Variants in PLCB1 observed in about 807,000 individuals in gnomAD.
The protein encoded by PLCB1 is phospholipase C beta 1.
Under a neutral mutation model 161.8 loss-of-function variants are expected in PLCB1, and 46 were observed. The observed-to-expected ratio is 0.28, with a 90% CI of 0.22 to 0.36. The LOEUF (loss-of-function observed/expected upper bound fraction) is 0.36, where lower values mean the gene tolerates loss of function less well. Ranked by LOEUF, PLCB1 falls within the 10% of genes least tolerant of loss-of-function variation. The probability of loss-of-function intolerance (pLI) is 1.00; values close to 1 mark genes in which losing one functional copy is unlikely to be tolerated. For synonymous variants in PLCB1, 517 were observed against 503.7 expected (o/e 1.03, Z -0.35); for missense variants, 1,016 against 1,472.5 (o/e 0.69, Z 5.07).
At chr20:8,634,835 C>T (rs1485687098) in intron 4 of PLCB1, among the ~76,000 whole-genome samples, 1 of 152,166 alleles carries the variant, frequency 6.6e-6, no homozygotes, top group African/African-American at 2.4e-5. Context: ...ACTGATGATC[C>T]ACCACTTTGA....
Position 8,881,830 on chromosome 20 carries a change from A to C in PLCB1, c.3632A>C (p.Glu1211Ala). 6.2e-7 allele frequency: 1 copy of C among 1,612,602 alleles called. No homozygotes were observed. The highest frequency in any genetic ancestry group is 8.5e-7 in the Non-Finnish European group (1 of 1,178,616). ...EELGGDIPGK[E>A]FDTPL ...CTGGGAGGAGACATCCCAGGAAAAG[A>C]ATTTGATACTCCTCTGTGAATGCTC... Residue 1211 changes from glutamate (E) to alanine (A), a missense_variant, in exon 32 of 32, where the codon GAA becomes GCA. Physicochemically the swap from Glu to Ala is moderately radical, Grantham distance 107. Transcript: ENST00000338037.
chr20:8,466,464 A>C (rs1042972834), intron 3 of PLCB1, among the ~76,000 whole-genome samples: 1 of 152,036 alleles, frequency 6.6e-6, no homozygotes, highest in African/African-American at 2.4e-5. Flanking sequence ...CCTAAAACTT[A>C]AAGTGTAATA....
At chr20:8,661,399 C>T (rs1363046892) in intron 9 of PLCB1, among the ~76,000 whole-genome samples, 1 of 152,006 alleles carries the variant, frequency 6.6e-6, no homozygotes, top group African/African-American at 2.4e-5. Flanking sequence ...CTTTGGAGTC[C>T]AACGGCTAGA....
intron 31 of PLCB1, among the ~76,000 whole-genome samples, chr20:8,795,844 A>C (rs1967679): frequency 0.7 from 104,200 of 148,312 alleles, 36,834 homozygotes; most frequent in Admixed American, 0.75. Context: ...CACTGCATTC[A>C]AGCCTGGGCG....
chr20:8,740,495 G>A (rs201735474), intron 22 of PLCB1, 47 bp downstream of exon 22: 7 of 1,056,282 alleles, frequency 6.6e-6, no homozygotes, highest in Non-Finnish European at 8.2e-6. Flanking sequence ...GGGTATTTCT[G>A]TCTGAGTCAC....
rs2052005729 is a variant in PLCB1, at chr20:8,194,873, C to T, written c.177+44502C>T. ...AATTCCATTAGTGGTAGCACAAGTC[C>T]ATCTGTCTTACATTAGACATTTGTC... is the stretch of plus-strand genomic sequence containing the variant. On this transcript the variant is annotated intron_variant, in intron 2 of 31. Coordinates refer to ENST00000338037, the MANE Select transcript of PLCB1 (RefSeq NM_015192.4). Among the ~76,000 whole-genome samples the T allele has an allele frequency of 2.6e-5, 4 of 152,094 alleles. No individual in the cohort carries two copies. The South Asian group carries it at 8.3e-4, about 32-fold the overall frequency.
chr20:8,187,444 C>T (rs1422072430), intron 2 of PLCB1, among the ~76,000 whole-genome samples: 2 of 152,170 alleles, frequency 1.3e-5, no homozygotes, highest in Non-Finnish European at 2.9e-5. Flanking sequence ...CTGGTGCCTC[C>T]TCCCATTTCT....
chr20:8,725,722 T>G (rs1239461608), intron 16 of PLCB1, among the ~76,000 whole-genome samples: 1 of 152,128 alleles, frequency 6.6e-6, no homozygotes, highest in Non-Finnish European at 1.5e-5. Context: ...TTTATATCAC[T>G]GTAATTTCAT....
chr20:8,173,006 G>A (rs1164810500), intron 2 of PLCB1, among the ~76,000 whole-genome samples: 1 of 152,162 alleles, frequency 6.6e-6, no homozygotes, highest in Non-Finnish European at 1.5e-5. Flanking sequence ...ATTGGCAAAG[G>A]GATCAGTCGG....
chr20:8,813,664 TA>T (rs1984941793), intron 31 of PLCB1, among the ~76,000 whole-genome samples: 1 of 151,984 alleles, frequency 6.6e-6, no homozygotes, highest in Admixed American at 6.6e-5. Context: ...ACCCTATCTC[TA>T]AAAAAATTTT....
In PLCB1 at chr20:8,210,191, G is replaced by A. The variant is rs903356392; in HGVS notation, c.177+59820G>A. 5.9e-5 allele frequency among the ~76,000 whole-genome samples: 9 copies of A among 152,154 alleles called. No homozygotes were observed. In the East Asian group the frequency reaches 1.7e-3, roughly 29 times the overall value. On this transcript the variant is annotated intron_variant, in intron 2 of 31. Transcript: ENST00000338037. Reference sequence around the variant, plus strand: ...CAAAAAATTATTTCATGTGTCTGGGGTGAAAATTATTATTACTAAAATGAA... The same window carrying A: ...CAAAAAATTATTTCATGTGTCTGGGATGAAAATTATTATTACTAAAATGAA...
chr20:8,315,652 T>A (rs1984610514), intron 2 of PLCB1, among the ~76,000 whole-genome samples: 1 of 152,174 alleles, frequency 6.6e-6, no homozygotes. Flanking sequence ...CAGCTCTTAG[T>A]CTGTAATTTT....
intron 3 of PLCB1, among the ~76,000 whole-genome samples, chr20:8,549,962 T>G (rs762369558): frequency 3.3e-5 from 5 of 152,182 alleles, no homozygotes; most frequent in Non-Finnish European, 5.9e-5. Context: ...CTGCCATGAT[T>G]GTAAGTTTCC....
intron 2 of PLCB1, among the ~76,000 whole-genome samples, chr20:8,280,316 CA>C (rs1982809988): frequency 7.7e-6 from 1 of 129,782 alleles, no homozygotes; most frequent in Admixed American, 8.0e-5. Context: ...ACCTGGGCAA[CA>C]AGAGCGAAAC....
At chr20:8,654,265 C>T (rs892719766) in intron 7 of PLCB1, among the ~76,000 whole-genome samples, 4 of 151,998 alleles carry the variant, frequency 2.6e-5, no homozygotes, top group Admixed American at 6.6e-5. Flanking sequence ...AAATGGGCCT[C>T]ATTCAGATTA....
Position 8,304,804 on chromosome 20 carries a change from A to AT in PLCB1, c.178-66574dup, listed in dbSNP as rs1364215798. Among the ~76,000 whole-genome samples the AT allele has an allele frequency of 8.5e-5, 13 of 152,108 alleles. 1 individual carries two copies. Among genetic ancestry groups the AT allele is most frequent in the Admixed American group, 8.5e-4 (13 of 15,272 alleles). Reference sequence around the variant, plus strand: ...ATGAACTGGTTACTAGGATTATCCCATTTTACAGAGAAAAAATGAGGCACA... The same window carrying AT: ...ATGAACTGGTTACTAGGATTATCCCATTTTTACAGAGAAAAAATGAGGCACA... On this transcript the variant is annotated intron_variant, in intron 2 of 31. Transcript: ENST00000338037.
chr20:8,670,509 C>G (rs1255701578), intron 9 of PLCB1, among the ~76,000 whole-genome samples: 3 of 152,170 alleles, frequency 2.0e-5, no homozygotes. Context: ...CATTATCACA[C>G]CATATCTTGG....
intron 2 of PLCB1, among the ~76,000 whole-genome samples, chr20:8,241,288 C>G (rs1353396000): frequency 6.6e-6 from 1 of 151,954 alleles, no homozygotes; most frequent in Admixed American, 6.6e-5. Flanking sequence ...GGTTCATTCT[C>G]TATGAGTCCT....
intron 2 of PLCB1, among the ~76,000 whole-genome samples, chr20:8,303,492 G>A (rs909899288): frequency 1.1e-4 from 16 of 152,266 alleles, no homozygotes; most frequent in African/African-American, 2.2e-4. Flanking sequence ...GGAATACTGC[G>A]TTCTAGTTAA....
Sources: allele counts gnomAD v4.1 joint callset (sites outside exome capture counted in the v4.1 genomes callset), GRCh38; gene constraint gnomAD v4.1.1; transcripts MANE v1.5; gene names NCBI Gene and HGNC (gene_info 2026-07-23, HGNC 2026-07-21).